Variants in USF3 observed in about 807,000 individuals in gnomAD.
The protein encoded by USF3 is basic helix-loop-helix domain-containing protein USF3.
A neutral mutation model predicts 157.5 loss-of-function variants in USF3; 29 were observed. That is an observed-to-expected ratio of 0.18 (90% CI 0.14 to 0.25). The LOEUF is 0.25. USF3 is among the 10% of genes least tolerant of loss of function. The pLI is 1.00. For missense variants in USF3, 2,381 were observed against 2,667.6 expected (o/e 0.89, Z 2.37); for synonymous variants, 893 against 941.4 (o/e 0.95, Z 0.94).
chr3:113,659,875 G>T lies in USF3; in HGVS notation c.1807C>A (p.Arg603=). Residue 603 remains arginine, a synonymous_variant, in exon 7 of 7, where the codon CGA becomes AGA. Coordinates refer to ENST00000316407, the MANE Select transcript of USF3 (RefSeq NM_001009899.4). ...GTATTGGCTCCATTGATGGGGAGTCGAACAGAACCAGGAGGTGGAGCAGGG... is the reference window on the plus strand; with the variant it reads ...GTATTGGCTCCATTGATGGGGAGTCTAACAGAACCAGGAGGTGGAGCAGGG... The part of the protein sequence containing the change: ...LLPAPPPGSV[R]LPINGANTVI... The T allele has an allele frequency of 2.5e-6, 4 of 1,614,150 alleles. No individual in the cohort carries two copies. The highest frequency in any genetic ancestry group is 3.4e-6 in the Non-Finnish European group (4 of 1,180,022).
Position 113,659,632 on chromosome 3 carries a change from T to A in USF3, c.2050A>T (p.Asn684Tyr), listed in dbSNP as rs753971630. ...TGAATAATTTGCATAGGGGTTTGAT[T>A]TGTAGTTCCTGATGAAGACATCACA... ...QPVMSSSGTT[N>Y]QTPMQIIQPT... The change falls in exon 7 of 7, where the codon AAT becomes TAT. Residue 684 changes from asparagine (N) to tyrosine (Y), a missense_variant. This residue lies in a region of USF3 where 1,435 missense variants were observed against 1,550.9 expected (regional missense o/e 0.93). Transcript: ENST00000316407. 2.1e-5 allele frequency: 34 copies of A among 1,614,096 alleles called. No individual in the cohort carries two copies. Among genetic ancestry groups the A allele is most frequent in the Non-Finnish European group, 2.8e-5 (33 of 1,180,030 alleles).
chr3:113,671,963 G>T (rs547872736), intron 4 of USF3, among the ~76,000 whole-genome samples: 4 of 151,162 alleles, frequency 2.6e-5, no homozygotes, highest in Non-Finnish European at 5.9e-5. Context: ...TAGAGGCGGG[G>T]TCTCCCTATG....
intron 3 of USF3, among the ~76,000 whole-genome samples, chr3:113,674,126 C>T (rs183810202): frequency 2.0e-5 from 3 of 152,254 alleles, no homozygotes; most frequent in Admixed American, 2.0e-4. Context: ...CCAGAAGTAA[C>T]ATTGTTCTGA....
At position 113,658,250 on chromosome 3, in the gene USF3, C is replaced by T; in HGVS notation, c.3432G>A (p.Glu1144=). ...GGCCAACTCTCCCCTTCTCAAGGTT[C>T]TCCTGGTCAAAAATAGCTCTTGCTG... The part of the protein sequence containing the change: ...ALAARAIFDQ[E]NLEKGRVGLQ... Residue 1144 remains glutamate, a synonymous_variant, in exon 7 of 7, where the codon GAG becomes GAA. Coordinates refer to ENST00000316407, the MANE Select transcript of USF3 (RefSeq NM_001009899.4). 6.2e-7 allele frequency: 1 copy of T among 1,614,108 alleles called. No individual in the cohort carries two copies. The highest frequency in any genetic ancestry group is 8.5e-7 in the Non-Finnish European group (1 of 1,179,988).
chr3:113,672,469 C>T (rs765799587), intron 4 of USF3, among the ~76,000 whole-genome samples: 1 of 151,844 alleles, frequency 6.6e-6, no homozygotes, highest in Non-Finnish European at 1.5e-5. Context: ...TGACTCCAAT[C>T]AAAAAGATTA....
Position 113,657,036 on chromosome 3 carries a change from C to A in USF3, c.4646G>T (p.Arg1549Leu). The change falls in exon 7 of 7, where the codon CGA becomes CTA. Residue 1549 changes from arginine to leucine, a missense_variant. Coordinates refer to ENST00000316407, the MANE Select transcript of USF3 (RefSeq NM_001009899.4). The part of the protein sequence containing the change: ...QPKHHGTDQS[R>L]SKTGQPHPHH... ...GGGATGTGGCTGGCCAGTCTTGGAT[C>A]GGGATTGGTCAGTTCCATGGTGCTT... The A allele has an allele frequency of 6.2e-7, 1 of 1,614,038 alleles. No individual in the cohort carries two copies. Among genetic ancestry groups the A allele is most frequent in the Non-Finnish European group, 8.5e-7 (1 of 1,180,026 alleles).
At chr3:113,681,708 T>C (rs577416649) in intron 1 of USF3, among the ~76,000 whole-genome samples, 1 of 150,560 alleles carries the variant, frequency 6.6e-6, no homozygotes, top group East Asian at 2.0e-4. Context: ...CAATATTATT[T>C]CAATTTAAAA....
intron 5 of USF3, among the ~76,000 whole-genome samples, chr3:113,668,229 G>T (rs115848246): frequency 2.0e-5 from 3 of 152,072 alleles, no homozygotes; most frequent in African/African-American, 7.2e-5. Context: ...TTGAACCAGA[G>T]AATTTCAACC....
At chr3:113,676,405 G>A (rs1707283126) in intron 2 of USF3, among the ~76,000 whole-genome samples, 1 of 152,182 alleles carries the variant, frequency 6.6e-6, no homozygotes, top group African/African-American at 2.4e-5. Context: ...GGTGGAAGGG[G>A]AAGCAAACAT....
chr3:113,654,817 G>T lies in USF3; in HGVS notation c.*127C>A. On this transcript the variant is annotated 3_prime_UTR_variant, in exon 7 of 7. Transcript: ENST00000316407. ...TGACATGGCTTCCCTACATTCAGAA[G>T]ATAACTGAAAACTGATTATACAGAC... is the stretch of plus-strand genomic sequence containing the variant. The T allele has an allele frequency of 9.4e-7, 1 of 1,059,494 alleles. No individual in the cohort carries two copies. The highest frequency in any genetic ancestry group is 1.6e-5 in the African/African-American group (1 of 62,778). 65.6% of individuals were successfully genotyped at this position (1,059,494 alleles called of 1,614,324 possible).
rs372981155 is a variant in USF3, at chr3:113,659,645, T to A, written c.2037A>T (p.Ser679=). The A allele has an allele frequency of 1.1e-5, 17 of 1,614,240 alleles. No homozygotes were observed. The highest frequency in any genetic ancestry group is 1.4e-5 in the Non-Finnish European group (16 of 1,180,026). Residue 679 remains serine, a synonymous_variant, in exon 7 of 7, where the codon TCA becomes TCT. Coordinates refer to ENST00000316407, the MANE Select transcript of USF3 (RefSeq NM_001009899.4). ...TAGGGGTTTGATTTGTAGTTCCTGA[T>A]GAAGACATCACAGGCTGCAAAGCAA... ...QLFALQPVMS[S]SGTTNQTPMQ...
At position 113,654,924 on chromosome 3, in the gene USF3, T is replaced by C. The variant is rs1350046373; in HGVS notation, c.*20A>G. 6.3e-7 allele frequency: 1 copy of C among 1,591,950 alleles called. No individual in the cohort carries two copies. Among genetic ancestry groups the C allele is most frequent in the Non-Finnish European group, 8.6e-7 (1 of 1,167,714 alleles). ...CATTTGTAATCTCACTCATTACCTT[T>C]ACATTTTGTTTATCAGTATTTAAAC... is the stretch of plus-strand genomic sequence containing the variant. On this transcript the variant is annotated 3_prime_UTR_variant, in exon 7 of 7. Coordinates refer to ENST00000316407, the MANE Select transcript of USF3 (RefSeq NM_001009899.4).
Position 113,655,561 on chromosome 3 carries a change from T to C in USF3, c.6121A>G (p.Met2041Val), listed in dbSNP as rs765685583. Residue 2041 changes from methionine (M) to valine (V), a missense_variant, in exon 7 of 7, where the codon ATG becomes GTG. By Grantham distance (21) the Met-to-Val change is conservative. Transcript: ENST00000316407. ...TEKRGSIVRF[M>V]PDSPQVPNDN... ...TTAGGTACTTGTGGGCTATCAGGCA[T>C]GAAACGAACAATACTTCCTCTCTTC... 2 of 1,614,210 alleles carry C rather than the reference T, an allele frequency of 1.2e-6. No homozygotes were observed. The highest frequency in any genetic ancestry group is 1.7e-6 in the Non-Finnish European group (2 of 1,180,038).
rs772153136 is a variant in USF3 at position 113,664,893 on chromosome 3, ATCTC to A, written c.160-488_160-485del. 5.3e-5 allele frequency among the ~76,000 whole-genome samples: 8 copies of A among 152,166 alleles called. No homozygotes were observed. The South Asian group carries it at 1.0e-3, about 20-fold the overall frequency. ...TGCCCTATAAGAAGAGACAGAGATGATCTCTCTCTCTGTCTGCCACTTGAGGACA... is the reference window on the plus strand; with the variant it reads ...TGCCCTATAAGAAGAGACAGAGATGATCTCTCTGTCTGCCACTTGAGGACA... On this transcript the variant is annotated intron_variant, in intron 5 of 6. Coordinates refer to ENST00000316407, the MANE Select transcript of USF3 (RefSeq NM_001009899.4).
chr3:113,677,608 T>C (rs187138204), intron 1 of USF3, among the ~76,000 whole-genome samples: 1 of 152,324 alleles, frequency 6.6e-6, no homozygotes, highest in Non-Finnish European at 1.5e-5. Flanking sequence ...CCGACAAAGA[T>C]GGTAGTCTTA....
intron 5 of USF3, among the ~76,000 whole-genome samples, chr3:113,666,623 G>A (rs1947573838): frequency 6.8e-6 from 1 of 146,174 alleles, no homozygotes; most frequent in Admixed American, 7.0e-5. Context: ...CCGGGCTGGA[G>A]TGTAGTGGCG....
Position 113,649,923 on chromosome 3 carries a change from G to C in USF3, c.*5021C>G, listed in dbSNP as rs538771311. On this transcript the variant is annotated 3_prime_UTR_variant, in exon 7 of 7. Transcript: ENST00000316407. ...AAGGCCCTTTTCTTTCAAACCCTGG[G>C]GAAAGAAAAATGGTAATGTTCAGCC... The C allele has an allele frequency of 2.9e-6, 2 of 691,382 alleles. No homozygotes were observed. The highest frequency in any genetic ancestry group is 5.4e-5 in the East Asian group (2 of 37,014). The allele number at this position is 691,382 out of a possible 1,614,324, so 42.8% of individuals were successfully genotyped here. A position where few individuals can be genotyped will look rare whatever the true frequency, so the allele number is the denominator to read the frequency against.
Position 113,670,196 on chromosome 3 carries a change from C to A in USF3, c.84G>T (p.Arg28Ser). 1 of 1,604,442 alleles carries A rather than the reference C, an allele frequency of 6.2e-7. No homozygotes were observed. The highest frequency in any genetic ancestry group is 8.5e-7 in the Non-Finnish European group (1 of 1,171,190). Reference sequence around the variant, plus strand: ...CAGCATTAATTTTCTTCTTTCTATGCCTCTCCACTAGATGGGAGAAAATTC... The same window carrying A: ...CAGCATTAATTTTCTTCTTTCTATGACTCTCCACTAGATGGGAGAAAATTC... ...KNRETHNAVE[R>S]HRKKKINAGI... The change falls in exon 5 of 7, where the codon AGG (arginine) becomes AGT (serine). Residue 28 changes from arginine (R) to serine (S), a missense_variant. This residue lies in a region of USF3 where 105 missense variants were observed against 158.6 expected (regional missense o/e 0.66). Coordinates refer to ENST00000316407, the MANE Select transcript of USF3 (RefSeq NM_001009899.4).
chr3:113,682,229 G>A (rs574874694), intron 1 of USF3, among the ~76,000 whole-genome samples: 1 of 152,270 alleles, frequency 6.6e-6, no homozygotes, highest in Non-Finnish European at 1.5e-5. Context: ...AGAGACTGAG[G>A]TGGGAGAATC....
Sources: allele counts gnomAD v4.1 joint callset (sites outside exome capture counted in the v4.1 genomes callset), GRCh38; gene constraint gnomAD v4.1.1; regional missense constraint gnomAD v4.1.1; transcripts MANE v1.5; gene names NCBI Gene and HGNC (gene_info 2026-07-23, HGNC 2026-07-21).